Variants in NFIC observed in about 807,000 individuals in gnomAD.
NFIC encodes the protein nuclear factor 1 C-type.
A neutral mutation model predicts 54.4 loss-of-function variants in NFIC; 12 were observed. The observed-to-expected ratio is 0.22, with a 90% confidence interval of 0.14 to 0.36. NFIC has a LOEUF of 0.36. Ranked by LOEUF, NFIC falls within the 10% of genes least tolerant of loss-of-function variation. NFIC has a pLI of 1.00. For missense variants in NFIC, 575 were observed against 718.2 expected, an observed-to-expected ratio of 0.80 and a Z score of 2.28; for synonymous variants, 322 against 319.2, an observed-to-expected ratio of 1.01 and a Z score of -0.09.
intron 3 of NFIC, among the ~76,000 whole-genome samples, chr19:3,431,344 TTTTC>T (rs1159591867): frequency 6.7e-6 from 1 of 149,044 alleles, no homozygotes; most frequent in Admixed American, 6.8e-5. Flanking sequence ...GCCTCATTCT[TTTTC>T]TTTTCCTTCT....
chr19:3,363,423 G>A (rs559830972), upstream of NFIC, among the ~76,000 whole-genome samples: 9 of 151,028 alleles, frequency 6.0e-5, no homozygotes, highest in East Asian at 1.9e-4. Context: ...AGGCACCCTC[G>A]CCCATGCCCG....
intron 1 of NFIC, among the ~76,000 whole-genome samples, chr19:3,373,328 C>G (rs2081053871): frequency 6.6e-6 from 1 of 152,222 alleles, no homozygotes; most frequent in African/African-American, 2.4e-5. Flanking sequence ...ACTGCCTTGG[C>G]AGAGAGTTTG....
At chr19:3,419,498 G>A (rs1242998448) in intron 2 of NFIC, among the ~76,000 whole-genome samples, 4 of 152,008 alleles carry the variant, frequency 2.6e-5, no homozygotes, top group African/African-American at 4.8e-5. Context: ...GCCGAGCACA[G>A]TGGCTCACAC....
rs1289262223 is a variant in NFIC, at chr19:3,464,909, G to A, written c.*2140G>A. On this transcript the variant is annotated 3_prime_UTR_variant, in exon 11 of 11. Transcript: ENST00000443272. Reference sequence around the variant, plus strand: ...GGGGGTGGTCGGGTTGTGCCATTGGGGTGTCCGGAAGCTTCTCAGCCAGGG... The same window carrying A: ...GGGGGTGGTCGGGTTGTGCCATTGGAGTGTCCGGAAGCTTCTCAGCCAGGG... 1 of 164,424 alleles carries A rather than the reference G, an allele frequency of 6.1e-6. No homozygotes were observed. Among genetic ancestry groups the A allele is most frequent in the Non-Finnish European group, 1.3e-5 (1 of 79,590 alleles). 10.2% of individuals were successfully genotyped at this position (164,424 alleles called of 1,614,324 possible). A position where few individuals can be genotyped will look rare whatever the true frequency, so the allele number is the denominator to read the frequency against.
intron 2 of NFIC, among the ~76,000 whole-genome samples, chr19:3,423,148 C>G (rs11672719): frequency 6.6e-6 from 1 of 151,542 alleles, no homozygotes; most frequent in Non-Finnish European, 1.5e-5. Context: ...CAGCAAGCCG[C>G]GATCGCACCA....
intron 2 of NFIC, among the ~76,000 whole-genome samples, chr19:3,418,187 C>G (rs1199044651): frequency 6.6e-6 from 1 of 151,476 alleles, no homozygotes; most frequent in Non-Finnish European, 1.5e-5. Context: ...CAACCTCCAC[C>G]TCCCAGGCTT....
intron 9 of NFIC, among the ~76,000 whole-genome samples, chr19:3,455,356 C>G (rs2082535305): frequency 6.7e-6 from 1 of 150,066 alleles, no homozygotes; most frequent in Non-Finnish European, 1.5e-5. Context: ...TTAATAGATG[C>G]AGGATACTGT....
chr19:3,453,714 G>A lies in NFIC; in HGVS notation c.1270-49G>A. 1 of 1,558,842 alleles carries A rather than the reference G, an allele frequency of 6.4e-7. No individual in the cohort carries two copies. Among genetic ancestry groups the A allele is most frequent in the Non-Finnish European group, 8.6e-7 (1 of 1,158,438 alleles). On this transcript the variant is annotated intron_variant, in intron 8 of 10. Transcript: ENST00000443272. The surrounding 1 kb of genome is among the most constrained non-coding windows in gnomAD (Gnocchi z 6.7). ...GGGGCGGCCGGCGCCAGCAGCCCGAGGTAGAGGGGGAGCCCACCCCTTAAC... is the reference window on the plus strand; with the variant it reads ...GGGGCGGCCGGCGCCAGCAGCCCGAAGTAGAGGGGGAGCCCACCCCTTAAC...
intron 3 of NFIC, among the ~76,000 whole-genome samples, chr19:3,425,482 T>C (rs896441972): frequency 6.6e-6 from 1 of 152,204 alleles, no homozygotes; most frequent in Non-Finnish European, 1.5e-5. Flanking sequence ...TATTTTGAGA[T>C]GGAGTCTCGC....
chr19:3,368,702 A>AT (rs2080941438), intron 1 of NFIC, among the ~76,000 whole-genome samples: 1 of 151,938 alleles, frequency 6.6e-6, no homozygotes. Flanking sequence ...CCTGAATGTA[A>AT]TCCCCACTGT....
At chr19:3,438,939 C>T (rs1343825401) in intron 6 of NFIC, among the ~76,000 whole-genome samples, 1 of 151,970 alleles carries the variant, frequency 6.6e-6, no homozygotes, top group African/African-American at 2.4e-5. Context: ...ACAAGAGGAC[C>T]CTGATAGAAC....
At position 3,404,288 on chromosome 19, in the gene NFIC, G is replaced by GT. The variant is rs2081607139; in HGVS notation, c.563-20817dup. Among the ~76,000 whole-genome samples the GT allele has an allele frequency of 2.0e-5, 3 of 151,948 alleles. No individual in the cohort carries two copies. In the South Asian group the frequency reaches 6.2e-4, roughly 32 times the overall value. The stretch of plus-strand genomic sequence containing the variant: ...TTCAGTCCACTCCCCCCCACCCCGG[G>GT]TGGCGTTGACACATTTGACATTGGC... On this transcript the variant is annotated intron_variant, in intron 2 of 10. Transcript: ENST00000443272.
At chr19:3,390,289 C>T (rs902840081) in intron 2 of NFIC, among the ~76,000 whole-genome samples, 6 of 152,180 alleles carry the variant, frequency 3.9e-5, no homozygotes, top group African/African-American at 1.4e-4. Context: ...AGGTGGCTGC[C>T]GGGCGTGAGT....
chr19:3,365,296 T>C (rs2145417065), upstream of NFIC, among the ~76,000 whole-genome samples: 1 of 152,322 alleles, frequency 6.6e-6, no homozygotes, highest in African/African-American at 2.4e-5. Context: ...GGCCAAGCTT[T>C]CTAAGAATGT....
At chr19:3,426,425 G>A (rs1159100698) in intron 3 of NFIC, among the ~76,000 whole-genome samples, 1 of 152,056 alleles carries the variant, frequency 6.6e-6, no homozygotes, top group Non-Finnish European at 1.5e-5. Flanking sequence ...ATTCTATGTT[G>A]TAGGGATAGG....
chr19:3,448,263 G>C (rs1156852638), intron 6 of NFIC, among the ~76,000 whole-genome samples: 1 of 152,180 alleles, frequency 6.6e-6, no homozygotes. Context: ...AGTGGAGACA[G>C]GGTTTCACCA....
intron 6 of NFIC, among the ~76,000 whole-genome samples, chr19:3,436,155 T>TTG (rs2082199341): frequency 6.7e-6 from 1 of 149,944 alleles, no homozygotes; most frequent in Admixed American, 6.6e-5. Flanking sequence ...GTTTGTTTGT[T>TTG]TGTTTTTGAA....
At chr19:3,408,179 G>A (rs939295112) in intron 2 of NFIC, among the ~76,000 whole-genome samples, 68 of 152,262 alleles carry the variant, frequency 4.5e-4, no homozygotes, top group Admixed American at 1.2e-3. Context: ...CCTGGGCTCC[G>A]TGAGGTCCAG....
intron 2 of NFIC, among the ~76,000 whole-genome samples, chr19:3,408,379 C>T (rs1212375628): frequency 6.6e-6 from 1 of 152,174 alleles, no homozygotes; most frequent in Non-Finnish European, 1.5e-5. Flanking sequence ...AGCCAAGATT[C>T]CCAACACCTG....
Sources: allele counts gnomAD v4.1 joint callset (sites outside exome capture counted in the v4.1 genomes callset), GRCh38; gene constraint gnomAD v4.1.1; non-coding constraint Gnocchi (gnomAD v3.1); transcripts MANE v1.5; gene names NCBI Gene and HGNC (gene_info 2026-07-23, HGNC 2026-07-21).